ACOT7: variants seen among roughly 807,000 people sequenced by gnomAD.
ACOT7 encodes the protein acyl-CoA thioesterase 7.
A neutral mutation model predicts 40.2 loss-of-function variants in ACOT7; 12 were observed. That is an observed-to-expected ratio of 0.30 (90% CI 0.19 to 0.48). The LOEUF is 0.48. Among genes scored for constraint, ACOT7 ranks in the 20% least tolerant of loss-of-function variants. The probability of loss-of-function intolerance (pLI) is 0.99; values close to 1 mark genes in which losing one functional copy is unlikely to be tolerated. For missense variants in ACOT7, 395 were observed against 530.8 expected (o/e 0.74, Z 2.51); for synonymous variants, 228 against 219.5 (o/e 1.04, Z -0.34).
Position 6,333,483 on chromosome 1 carries a change from A to G in ACOT7, c.504T>C (p.Pro168=). 12 of 1,614,188 alleles carry G rather than the reference A, an allele frequency of 7.4e-6. No homozygotes were observed. Among genetic ancestry groups the G allele is most frequent in the Non-Finnish European group, 1.0e-5 (12 of 1,180,002 alleles). Reference sequence around the variant, plus strand: ...AGTAGAAAGGGCACCTTACCACAACAGGAGGCACCTCGAGGACCTTGTCCA... The same window carrying G: ...AGTAGAAAGGGCACCTTACCACAACGGGAGGCACCTCGAGGACCTTGTCCA... ...KNVDKVLEVP[P]VVYSRQEQEE... is the part of the protein sequence containing the mutation. The change falls in exon 4 of 9, where the codon CCT becomes CCC. Residue 168 remains proline, a synonymous_variant. Transcript: ENST00000361521.
At chr1:6,340,966 G>A (rs58220981) in intron 2 of ACOT7, among the ~76,000 whole-genome samples, 8,214 of 151,762 alleles carry the variant, frequency 0.054, 269 homozygotes, top group African/African-American at 0.082. Context: ...AACTCGGGAC[G>A]GGGAGGTTGC....
chr1:6,277,675 T>A (rs1639236520), intron 8 of ACOT7, among the ~76,000 whole-genome samples: 1 of 152,250 alleles, frequency 6.6e-6, no homozygotes, highest in South Asian at 2.1e-4. Context: ...CCTTCCTCCC[T>A]GACTCCAGGC....
chr1:6,289,419 G>A lies in ACOT7; in HGVS notation c.829+5445C>T, dbSNP rs1639604461. ...CCAGCCTGTTTTTGTTTTTTAAATTGAGACAAGGTCTCACTCTGTCACCCA... is the reference window on the plus strand; with the variant it reads ...CCAGCCTGTTTTTGTTTTTTAAATTAAGACAAGGTCTCACTCTGTCACCCA... On this transcript the variant is annotated intron_variant, in intron 7 of 8. Coordinates refer to ENST00000361521, the MANE Select transcript of ACOT7 (RefSeq NM_007274.4). The surrounding 1 kb of genome is among the most constrained non-coding windows in gnomAD (Gnocchi z 4.6). Among the ~76,000 whole-genome samples, 1 of 151,780 alleles carries A rather than the reference G, an allele frequency of 6.6e-6. No individual in the cohort carries two copies. Among genetic ancestry groups the A allele is most frequent in the African/African-American group, 2.4e-5 (1 of 41,282 alleles).
intron 7 of ACOT7, among the ~76,000 whole-genome samples, chr1:6,293,719 C>A (rs1400210796): frequency 1.3e-5 from 2 of 152,186 alleles, no homozygotes; most frequent in Non-Finnish European, 2.9e-5. Context: ...GAAAAGGATT[C>A]TGCAAAGTGG....
chr1:6,361,240 C>T (rs1006178793), intron 1 of ACOT7, among the ~76,000 whole-genome samples: 3 of 152,154 alleles, frequency 2.0e-5, no homozygotes, highest in Non-Finnish European at 2.9e-5. Context: ...AAAGGTCACA[C>T]GCCATCTGAT....
intron 6 of ACOT7, among the ~76,000 whole-genome samples, chr1:6,305,372 G>T (rs1053323028): frequency 8.0e-5 from 12 of 149,182 alleles, no homozygotes; most frequent in Non-Finnish European, 1.5e-4. Context: ...GGCCGGGCGG[G>T]GGGCTGACCC....
chr1:6,306,533 G>A lies in ACOT7; in HGVS notation c.713-11553C>T. 1 of 985,402 alleles carries A rather than the reference G, an allele frequency of 1.0e-6. No individual in the cohort carries two copies. The highest frequency in any genetic ancestry group is 1.2e-6 in the Non-Finnish European group (1 of 829,924). The allele number at this position is 985,402 out of a possible 1,614,324, so 61.0% of individuals were successfully genotyped here. ...CCCGCTGAAGCATCAGGATGGACGT[G>A]AAGCTGTTCTTCAGAACAGAAGAAC... On this transcript the variant is annotated intron_variant, in intron 6 of 8. Coordinates refer to ENST00000361521, the MANE Select transcript of ACOT7 (RefSeq NM_007274.4). The surrounding 1 kb of genome is among the most constrained non-coding windows in gnomAD (Gnocchi z 4.3).
intron 8 of ACOT7, among the ~76,000 whole-genome samples, chr1:6,279,305 C>T (rs367943164): frequency 5.3e-4 from 78 of 147,006 alleles, no homozygotes; most frequent in African/African-American, 1.6e-3. Context: ...ATGGGTGGCA[C>T]GGTGGGCCAG....
intron 3 of ACOT7, among the ~76,000 whole-genome samples, chr1:6,334,455 G>A (rs1641045610): frequency 6.6e-6 from 1 of 152,256 alleles, no homozygotes; most frequent in African/African-American, 2.4e-5. Flanking sequence ...GGGAGGGGCA[G>A]GGGGGACGGC....
At chr1:6,328,346 T>C (rs1379157397) in intron 4 of ACOT7, among the ~76,000 whole-genome samples, 2 of 152,034 alleles carry the variant, frequency 1.3e-5, no homozygotes, top group Non-Finnish European at 2.9e-5. Flanking sequence ...ACTCCAGAAG[T>C]TAAAAATAAA....
intron 5 of ACOT7, among the ~76,000 whole-genome samples, chr1:6,321,531 T>C (rs960680387): frequency 1.3e-5 from 2 of 152,250 alleles, no homozygotes; most frequent in African/African-American, 4.8e-5. Context: ...TTTTTCTTTT[T>C]TGAGACGGAG....
At chr1:6,318,921 T>A (rs1269448470) in intron 5 of ACOT7, among the ~76,000 whole-genome samples, 2 of 152,312 alleles carry the variant, frequency 1.3e-5, no homozygotes, top group African/African-American at 2.4e-5. Context: ...TAGTTAACCA[T>A]CTGACTTGCA....
At chr1:6,362,015 T>C (rs1641903221) in intron 1 of ACOT7, among the ~76,000 whole-genome samples, 1 of 152,154 alleles carries the variant, frequency 6.6e-6, no homozygotes, top group Non-Finnish European at 1.5e-5. Flanking sequence ...CAAAACAAAG[T>C]AGAACTGGCT....
At chr1:6,389,766 C>A (rs1474268259) in intron 1 of ACOT7, among the ~76,000 whole-genome samples, 5 of 145,346 alleles carry the variant, frequency 3.4e-5, no homozygotes, top group African/African-American at 1.3e-4. Flanking sequence ...CAGGGCAAGA[C>A]TCCCTCTCAA....
intron 8 of ACOT7, among the ~76,000 whole-genome samples, chr1:6,268,024 C>A (rs570791981): frequency 6.6e-6 from 1 of 152,204 alleles, no homozygotes; most frequent in African/African-American, 2.4e-5. Context: ...CCCATTTACA[C>A]GAGATGTCCA....
intron 6 of ACOT7, among the ~76,000 whole-genome samples, chr1:6,316,231 G>A (rs1383152624): frequency 2.0e-5 from 3 of 152,174 alleles, no homozygotes; most frequent in Middle Eastern, 3.2e-3. Context: ...GGCCAGGCTC[G>A]GAAGAGGGAG....
intron 1 of ACOT7, among the ~76,000 whole-genome samples, chr1:6,357,927 C>T (rs559260670): frequency 1.4e-4 from 21 of 150,606 alleles, no homozygotes; most frequent in African/African-American, 5.1e-4. Flanking sequence ...AATGCAGTGG[C>T]GTGATCTTGG....
At position 6,306,461 on chromosome 1, in the gene ACOT7, A is replaced by G. The variant is rs1361507362; in HGVS notation, c.713-11481T>C. 5.1e-6 allele frequency: 5 copies of G among 985,170 alleles called. No homozygotes were observed. The African/African-American group carries it at 8.7e-5, about 17-fold the overall frequency. 61.0% of individuals were successfully genotyped at this position (985,170 alleles called of 1,614,324 possible). ...CGCCCAGGCTTTCAGGGTTGACACC[A>G]TCTCGGGGTTCAAGGTTCAAGTTCA... is the stretch of plus-strand genomic sequence containing the variant. On this transcript the variant is annotated intron_variant, in intron 6 of 8. Transcript: ENST00000361521. This position sits in a 1 kb window ranked among gnomAD's most constrained non-coding sequence, Gnocchi z 4.3.
intron 6 of ACOT7, among the ~76,000 whole-genome samples, chr1:6,302,175 G>A (rs1639992373): frequency 6.6e-6 from 1 of 152,178 alleles, no homozygotes. Flanking sequence ...TGGCAGACAA[G>A]GAGGTCTTTC....
Sources: gnomAD v4.1 joint callset for allele counts (sites outside exome capture counted in the v4.1 genomes callset) on GRCh38, gnomAD v4.1.1 for gene constraint, Gnocchi (gnomAD v3.1) non-coding constraint, MANE v1.5 for transcripts, NCBI Gene and HGNC (gene_info 2026-07-23, HGNC 2026-07-21) for gene names.